NR5A2: variants seen among roughly 807,000 people sequenced by gnomAD.
The protein encoded by NR5A2 is nuclear receptor subfamily 5 group A member 2, also known as CYP7A promoter-binding factor.
NR5A2 carries 26 observed loss-of-function variants against 62.7 expected under a neutral mutation model. The observed-to-expected ratio is 0.41, with a 90% confidence interval of 0.30 to 0.58. NR5A2 has a LOEUF of 0.58. Ranked by LOEUF, NR5A2 falls within the 20% of genes least tolerant of loss-of-function variation. NR5A2 has a pLI of 0.22. For missense variants in NR5A2, 541 were observed against 669.1 expected, an observed-to-expected ratio of 0.81 and a Z score of 2.11; for synonymous variants, 246 against 241.7, an observed-to-expected ratio of 1.02 and a Z score of -0.16.
At chr1:200,140,567 A>T (rs534178830) in intron 7 of NR5A2, among the ~76,000 whole-genome samples, 1 of 152,180 alleles carries the variant, frequency 6.6e-6, no homozygotes, top group Non-Finnish European at 1.5e-5. Flanking sequence ...GCAGATGTCT[A>T]TATTTTATTT....
At chr1:200,097,448 G>A (rs981174071) in intron 5 of NR5A2, among the ~76,000 whole-genome samples, 2 of 152,126 alleles carry the variant, frequency 1.3e-5, no homozygotes, top group African/African-American at 4.8e-5. Context: ...CCCATTTTAT[G>A]ATGAGAATAA....
At chr1:200,093,304 G>A (rs1351939719) in intron 5 of NR5A2, among the ~76,000 whole-genome samples, 2 of 152,112 alleles carry the variant, frequency 1.3e-5, no homozygotes, top group Non-Finnish European at 2.9e-5. Flanking sequence ...CAATGCTATT[G>A]ATGTATATAT....
At chr1:200,055,567 A>G (rs1362205673) in intron 5 of NR5A2, among the ~76,000 whole-genome samples, 1 of 152,110 alleles carries the variant, frequency 6.6e-6, no homozygotes, top group Non-Finnish European at 1.5e-5. Context: ...TACTTGCCAT[A>G]TGGCTGTTCT....
chr1:200,116,419 A>G (rs1042646765), intron 6 of NR5A2, among the ~76,000 whole-genome samples: 2 of 152,248 alleles, frequency 1.3e-5, no homozygotes, highest in African/African-American at 4.8e-5. Context: ...TTGGAGCTTG[A>G]AAAGAGAAGA....
Position 200,133,915 on chromosome 1 carries a change from G to A in NR5A2, c.1378+12960G>A, listed in dbSNP as rs532990333. On this transcript the variant is annotated intron_variant, in intron 7 of 7. Coordinates refer to ENST00000367362, the MANE Select transcript of NR5A2 (RefSeq NM_205860.3). The stretch of plus-strand genomic sequence containing the variant: ...AATGGGACAAGATATGGAGGTGGAA[G>A]ACAGTGATATTGATGATCCTGACCT... 1.1e-4 allele frequency among the ~76,000 whole-genome samples: 17 copies of A among 152,218 alleles called. No individual in the cohort carries two copies. In the South Asian group the frequency reaches 3.5e-3, roughly 32 times the overall value.
chr1:200,164,534 A>G (rs947508747), intron 7 of NR5A2, among the ~76,000 whole-genome samples: 5 of 151,390 alleles, frequency 3.3e-5, no homozygotes, highest in Admixed American at 2.0e-4. Context: ...CCACTTTTCC[A>G]TAGATTTTAA....
At chr1:200,156,926 C>A (rs1483387763) in intron 7 of NR5A2, among the ~76,000 whole-genome samples, 1 of 152,098 alleles carries the variant, frequency 6.6e-6, no homozygotes, top group Admixed American at 6.6e-5. Context: ...TGAGACATAA[C>A]CCCATCGTAA....
intron 5 of NR5A2, among the ~76,000 whole-genome samples, chr1:200,053,569 G>GTGCA (rs1553266382): frequency 7.0e-6 from 1 of 141,994 alleles, no homozygotes; most frequent in Admixed American, 7.1e-5. Flanking sequence ...GCATGCACAC[G>GTGCA]CACACACACA....
rs527285027 is a variant in NR5A2 at position 200,080,175 on chromosome 1, C to G, written c.1111-31027C>G. Among the ~76,000 whole-genome samples the G allele has an allele frequency of 3.9e-5, 6 of 152,198 alleles. No individual in the cohort carries two copies. In the South Asian group the frequency reaches 1.2e-3, roughly 32 times the overall value. On this transcript the variant is annotated intron_variant, in intron 5 of 7. Coordinates refer to ENST00000367362, the MANE Select transcript of NR5A2 (RefSeq NM_205860.3). ...GATTAATTTGCCTAACAAGAACCAT[C>G]AGGCAATGCTACCAAGAAATATGTC... is the stretch of plus-strand genomic sequence containing the variant.
intron 7 of NR5A2, among the ~76,000 whole-genome samples, chr1:200,166,825 T>C (rs2102389097): frequency 6.6e-6 from 1 of 152,314 alleles, no homozygotes; most frequent in East Asian, 1.9e-4. Context: ...AAAATGATAT[T>C]AATAATAACT....
At chr1:200,050,876 G>A (rs936236845) in intron 5 of NR5A2, among the ~76,000 whole-genome samples, 6 of 152,144 alleles carry the variant, frequency 3.9e-5, no homozygotes, top group Non-Finnish European at 8.8e-5. Context: ...TGGGTGACAA[G>A]AGCGAAACTC....
Position 200,174,266 on chromosome 1 carries a change from AG to A in NR5A2, c.*61del. 2.7e-6 allele frequency: 4 copies of A among 1,459,592 alleles called. No homozygotes were observed. The highest frequency in any genetic ancestry group is 3.6e-6 in the Non-Finnish European group (4 of 1,104,976). 90.4% of individuals were successfully genotyped at this position (1,459,592 alleles called of 1,614,324 possible). On this transcript the variant is annotated 3_prime_UTR_variant, in exon 8 of 8. Coordinates refer to ENST00000367362, the MANE Select transcript of NR5A2 (RefSeq NM_205860.3). Reference sequence around the variant, plus strand: ...ACAAAAAGAGATTGGGGGAGTGGGGAGGGGGAAGAAGAACAGGAAGAAAAAA... The same window carrying A: ...ACAAAAAGAGATTGGGGGAGTGGGGAGGGGAAGAAGAACAGGAAGAAAAAA...
chr1:200,058,156 T>C (rs1663010086), intron 5 of NR5A2: 1 of 152,210 alleles, frequency 6.6e-6, no homozygotes, highest in African/African-American at 2.4e-5. Flanking sequence ...ATACATTTTT[T>C]TGGTCCTGGT....
Position 200,175,873 on chromosome 1 carries a change from ATT to A in NR5A2, c.*1668_*1669del, listed in dbSNP as rs1654396974. 1 of 152,518 alleles carries A rather than the reference ATT, an allele frequency of 6.6e-6. No homozygotes were observed. Among genetic ancestry groups the A allele is most frequent in the Admixed American group, 6.5e-5 (1 of 15,268 alleles). The allele number at this position is 152,518 out of a possible 1,614,324, so 9.4% of individuals were successfully genotyped here. ...AATAAAAGTATCTCCTAGTCCCTTA[ATT>A]TTTTCATAAATATTTCTGGCTTTTG... On this transcript the variant is annotated 3_prime_UTR_variant, in exon 8 of 8. Transcript: ENST00000367362.
chr1:200,068,966 C>T (rs1027607481), intron 5 of NR5A2, among the ~76,000 whole-genome samples: 1 of 152,114 alleles, frequency 6.6e-6, no homozygotes, highest in East Asian at 1.9e-4. Context: ...AAAATAATTT[C>T]TCATTGACCC....
intron 1 of NR5A2, among the ~76,000 whole-genome samples, chr1:200,031,967 C>A (rs1239122122): frequency 1.3e-5 from 2 of 152,094 alleles, no homozygotes; most frequent in African/African-American, 2.4e-5. Context: ...TTTACTTGAC[C>A]CCTCTACCAG....
chr1:200,150,508 T>C (rs1653030614), intron 7 of NR5A2, among the ~76,000 whole-genome samples: 1 of 152,180 alleles, frequency 6.6e-6, no homozygotes, highest in African/African-American at 2.4e-5. Context: ...CTTCAAACAA[T>C]GCTCAAAGCT....
At position 200,174,048 on chromosome 1, in the gene NR5A2, C is replaced by G. The variant is rs149054125; in HGVS notation, c.1464C>G (p.Asn488Lys). ...NAALLDYTMC[N>K]YPQQTEKFGQ... ...CCCTGCTGGACTACACAATGTGTAA[C>G]TACCCGCAGCAGACAGAGAAATTTG... The change falls in exon 8 of 8, where the codon AAC becomes AAG. Residue 488 changes from asparagine to lysine, a missense_variant. Physicochemically the swap from Asn to Lys is moderately conservative, Grantham distance 94 (BLOSUM62 0). This residue lies in a region of NR5A2 where 379 missense variants were observed against 442.0 expected (regional missense o/e 0.86). Coordinates refer to ENST00000367362, the MANE Select transcript of NR5A2 (RefSeq NM_205860.3). 2.8e-5 allele frequency: 45 copies of G among 1,610,830 alleles called. No individual in the cohort carries two copies. The highest frequency in any genetic ancestry group is 3.8e-5 in the Non-Finnish European group (45 of 1,178,836).
chr1:200,094,551 GAGA>G (rs1230328162), intron 5 of NR5A2, among the ~76,000 whole-genome samples: 1 of 6,600 alleles, frequency 1.5e-4, no homozygotes, highest in Non-Finnish European at 3.5e-4. Flanking sequence ...TTTTTTTTTT[GAGA>G]AGGAGTCTCG....
Sources: gnomAD v4.1 joint callset for allele counts (sites outside exome capture counted in the v4.1 genomes callset) on GRCh38, gnomAD v4.1.1 for gene constraint, gnomAD v4.1.1 regional missense constraint, MANE v1.5 for transcripts, NCBI Gene and HGNC (gene_info 2026-07-23, HGNC 2026-07-21) for gene names.